The following DEPDC5 variants were observed in gnomAD, a reference collection of about 807,000 sequenced individuals.
DEPDC5 encodes the protein DEP domain containing 5, GATOR1 subcomplex subunit.
Under a neutral mutation model 217.3 loss-of-function variants are expected in DEPDC5, and 73 were observed. The ratio of observed to expected loss-of-function variants is 0.34; its 90% confidence interval spans 0.28 to 0.41. The LOEUF (loss-of-function observed/expected upper bound fraction) is 0.41. Ranked by LOEUF, DEPDC5 falls within the 10% of genes least tolerant of loss-of-function variation. The pLI is 1.00. For synonymous variants in DEPDC5, 733 were observed against 756.7 expected, an observed-to-expected ratio of 0.97 and a Z score of 0.51; for missense variants, 1,675 against 2,070.1, an observed-to-expected ratio of 0.81 and a Z score of 3.70.
intron 4 of DEPDC5, among the ~76,000 whole-genome samples, chr22:31,762,189 C>G (rs2082448792): frequency 6.6e-6 from 1 of 152,020 alleles, no homozygotes; most frequent in African/African-American, 2.4e-5. Flanking sequence ...TGATCGCCCA[C>G]CACATTGTGC....
chr22:31,815,300 G>A (rs1442827425), intron 21 of DEPDC5, 88 bp downstream of exon 21: 7 of 1,375,598 alleles, frequency 5.1e-6, no homozygotes, highest in African/African-American at 1.4e-5. Context: ...CAGAGGTGGG[G>A]TGTAAATCCC....
intron 18 of DEPDC5, among the ~76,000 whole-genome samples, chr22:31,808,173 G>C (rs769473679): frequency 6.6e-6 from 1 of 151,734 alleles, no homozygotes; most frequent in Non-Finnish European, 1.5e-5. Context: ...TCGGCTCACT[G>C]CAACCTCTGC....
intron 41 of DEPDC5, among the ~76,000 whole-genome samples, chr22:31,904,258 C>T (rs2093717217): frequency 6.6e-6 from 1 of 152,252 alleles, no homozygotes. Context: ...ATCCCCTCCC[C>T]TGCCCTTACT....
intron 27 of DEPDC5, 57 bp from the exon 28 acceptor site, chr22:31,843,038 T>C (rs2091491870): frequency 7.7e-7 from 1 of 1,296,498 alleles, no homozygotes; most frequent in Non-Finnish European, 1.1e-6. Context: ...GAGAAACAAT[T>C]GTCTGTTATA....
intron 37 of DEPDC5, among the ~76,000 whole-genome samples, chr22:31,878,052 T>C (rs1448488595): frequency 6.6e-6 from 1 of 151,958 alleles, no homozygotes; most frequent in Non-Finnish European, 1.5e-5. Flanking sequence ...CTGGGCGTGG[T>C]GGCGCACGCC....
chr22:31,780,116 GA>G lies in DEPDC5; in HGVS notation c.483+1949del, dbSNP rs529910608. ...GCAGCCCTTCTGGCTCTGGTATAGA[GA>G]GTTATTTCCAGGGTCAAGAGTAAAA... On this transcript the variant is annotated intron_variant, in intron 8 of 42. Coordinates refer to ENST00000651528, the MANE Select transcript of DEPDC5 (RefSeq NM_001242896.3). Among the ~76,000 whole-genome samples the G allele has an allele frequency of 3.3e-3, 510 of 152,304 alleles. 2 individuals are homozygous for G. Among genetic ancestry groups the G allele is most frequent in the African/African-American group, 0.012 (496 of 41,572 alleles).
At chr22:31,772,872 CCTGGTTTCAAGTGATTCTCCTACCT>C (rs2083479347) in intron 7 of DEPDC5, among the ~76,000 whole-genome samples, 1 of 151,994 alleles carries the variant, frequency 6.6e-6, no homozygotes, top group East Asian at 1.9e-4. Flanking sequence ...ACCTCTGCCT[CCTGGTTTCAAGTGATTCTCCTACCT>C]CAGCCTCCTG....
intron 40 of DEPDC5, among the ~76,000 whole-genome samples, chr22:31,899,416 T>G (rs2093609684): frequency 6.6e-6 from 1 of 152,114 alleles, no homozygotes; most frequent in African/African-American, 2.4e-5. Flanking sequence ...TGTGACGTAG[T>G]CTCGCTCTGT....
At chr22:31,792,293 A>G (rs2085756148) in intron 11 of DEPDC5, among the ~76,000 whole-genome samples, 191 bp downstream of exon 11, 2 of 152,044 alleles carry the variant, frequency 1.3e-5, no homozygotes, top group Admixed American at 6.6e-5. Flanking sequence ...GCTGTGATTC[A>G]TCTTAAAACC....
intron 31 of DEPDC5, chr22:31,853,071 A>G (rs184316243): frequency 3.8e-4 from 58 of 152,350 alleles, no homozygotes; most frequent in African/African-American, 1.3e-3. Flanking sequence ...TTTTGAACAT[A>G]TCTTTATCAG....
intron 23 of DEPDC5, 41 bp downstream of exon 23, chr22:31,821,678 A>G (rs937834100): frequency 2.8e-5 from 44 of 1,598,026 alleles, no homozygotes; most frequent in Non-Finnish European, 3.3e-5. Flanking sequence ...ACCTGAGAAC[A>G]CTCTCCAGCA....
Position 31,906,446 on chromosome 22 carries a change from G to C in DEPDC5, c.4761G>C (p.Leu1587=). 6.2e-7 allele frequency: 1 copy of C among 1,614,032 alleles called. No homozygotes were observed. Among genetic ancestry groups the C allele is most frequent in the Non-Finnish European group, 8.5e-7 (1 of 1,180,036 alleles). The change falls in exon 43 of 43, where the codon CTG becomes CTC. Residue 1587 remains leucine, a synonymous_variant. Transcript: ENST00000651528. This position sits in a 1 kb window ranked among gnomAD's most constrained non-coding sequence, Gnocchi z 5.1. ...TDFCINRDNR[L]VTFWTSCLEK... is the part of the protein sequence containing the mutation. ...TCTGCATCAACCGTGACAACCGGCT[G>C]GTCACGTTCTGGACAAGTTGCCTGG...
intron 4 of DEPDC5, among the ~76,000 whole-genome samples, chr22:31,762,836 C>T (rs1053682486): frequency 3.9e-5 from 6 of 151,980 alleles, no homozygotes; most frequent in Admixed American, 2.6e-4. Flanking sequence ...GAGATGGCGT[C>T]TCACTCTGTT....
At chr22:31,779,467 G>A (rs1439935465) in intron 8 of DEPDC5, among the ~76,000 whole-genome samples, 5 of 152,192 alleles carry the variant, frequency 3.3e-5, no homozygotes, top group African/African-American at 1.2e-4. Context: ...TGTGGTGGAA[G>A]TATTGCAGAC....
intron 37 of DEPDC5, among the ~76,000 whole-genome samples, chr22:31,877,523 C>T (rs539508192): frequency 4.8e-5 from 7 of 147,276 alleles, no homozygotes; most frequent in South Asian, 4.3e-4. Context: ...AGGCCAAGGC[C>T]GGCAGATCAC....
At chr22:31,780,510 C>T (rs1336590612) in intron 8 of DEPDC5, among the ~76,000 whole-genome samples, 2 of 152,156 alleles carry the variant, frequency 1.3e-5, no homozygotes, top group South Asian at 2.1e-4. Flanking sequence ...CCAGTGTCCT[C>T]GCCACGCAAA....
At chr22:31,804,734 C>T in intron 16 of DEPDC5, 108 bp from the exon 17 acceptor site, 1 of 1,108,200 alleles carries the variant, frequency 9.0e-7, no homozygotes, top group Non-Finnish European at 1.3e-6. Context: ...CCCACAGCGC[C>T]CAGCCCTAAA....
rs1003708646 is a variant in DEPDC5 at position 31,800,936 on chromosome 22, G to A, written c.947-1768G>A. Among the ~76,000 whole-genome samples, 72 of 149,948 alleles carry A rather than the reference G, an allele frequency of 4.8e-4. 1 individual carries two copies. The highest frequency in any genetic ancestry group is 7.6e-4 in the Non-Finnish European group (51 of 67,430). On this transcript the variant is annotated intron_variant, in intron 14 of 42. Coordinates refer to ENST00000651528, the MANE Select transcript of DEPDC5 (RefSeq NM_001242896.3). ...GGTTGTGGCGAGCAGAGATCACGCC[G>A]CTGCACTCCAACCTGGTTGATAGAA...
At chr22:31,809,576 G>C (rs774496537) in intron 18 of DEPDC5, 35 bp from the exon 19 acceptor site, 1 of 1,612,600 alleles carries the variant, frequency 6.2e-7, no homozygotes, top group Non-Finnish European at 8.5e-7. Flanking sequence ...TTCTAGCGAA[G>C]GAAGGAGTGA....
Sources: allele counts gnomAD v4.1 joint callset (sites outside exome capture counted in the v4.1 genomes callset), GRCh38; gene constraint gnomAD v4.1.1; non-coding constraint Gnocchi (gnomAD v3.1); transcripts MANE v1.5; gene names NCBI Gene and HGNC (gene_info 2026-07-23, HGNC 2026-07-21).